Variants in SLC39A6 observed in about 807,000 individuals in gnomAD.
The protein encoded by SLC39A6 is solute carrier family 39 member 6, also known as zinc transporter ZIP6.
In SLC39A6, 51 loss-of-function variants were observed where a neutral mutation model predicts 63.5. That is an observed-to-expected ratio of 0.80 (90% CI 0.64 to 1.01). The LOEUF is 1.01. SLC39A6 is among the 50% of genes least tolerant of loss of function. The pLI is 0.00. For missense variants in SLC39A6, 805 were observed against 927.8 expected, an observed-to-expected ratio of 0.87 and a Z score of 1.72; for synonymous variants, 318 against 324.7, an observed-to-expected ratio of 0.98 and a Z score of 0.22.
chr18:36,124,253 A>G (rs560797719), intron 3 of SLC39A6, among the ~76,000 whole-genome samples: 1 of 152,280 alleles, frequency 6.6e-6, no homozygotes, highest in African/African-American at 2.4e-5. Flanking sequence ...GTGACATGAT[A>G]TAAAAATCCC....
At chr18:36,117,390 TA>T (rs2089354810) in intron 5 of SLC39A6, among the ~76,000 whole-genome samples, 1 of 152,208 alleles carries the variant, frequency 6.6e-6, no homozygotes, top group South Asian at 2.1e-4. Flanking sequence ...TTTTAGTTAT[TA>T]AAACACTTTT....
intron 9 of SLC39A6, 149 bp from the exon 10 acceptor site, chr18:36,109,894 T>C (rs186273837): frequency 5.1e-6 from 3 of 586,388 alleles, no homozygotes; most frequent in Admixed American, 6.6e-5. Context: ...ATTACATACA[T>C]ACTGACTCTA....
In SLC39A6 at chr18:36,122,034, C is replaced by T. The variant is rs768928657; in HGVS notation, c.1359+18G>A. On this transcript the variant is annotated intron_variant, in intron 5 of 9. Coordinates refer to ENST00000269187, the MANE Select transcript of SLC39A6 (RefSeq NM_012319.4). ...AAATATCTGAAGCATAGTAAGTACT[C>T]GGTATACTTTTTCTTACCTTTTTCT... 33 of 1,524,372 alleles carry T rather than the reference C, an allele frequency of 2.2e-5. No homozygotes were observed. The highest frequency in any genetic ancestry group is 5.6e-5 in the South Asian group (5 of 88,756). The allele number at this position is 1,524,372 out of a possible 1,614,324, so 94.4% of individuals were successfully genotyped here. A position where few individuals can be genotyped will look rare whatever the true frequency, so the allele number is the denominator to read the frequency against.
chr18:36,126,091 G>T, intron 2 of SLC39A6, 128 bp downstream of exon 2: 3 of 939,534 alleles, frequency 3.2e-6, no homozygotes, highest in Non-Finnish European at 4.8e-6. Context: ...TGCTGAGAAG[G>T]TGGAAATTCC....
At chr18:36,120,626 T>C (rs904118182) in intron 5 of SLC39A6, among the ~76,000 whole-genome samples, 1 of 152,228 alleles carries the variant, frequency 6.6e-6, no homozygotes, top group Non-Finnish European at 1.5e-5. Context: ...TAATTACACA[T>C]TGCTCAAACT....
chr18:36,121,306 G>A (rs1047966694), intron 5 of SLC39A6, among the ~76,000 whole-genome samples: 5 of 152,022 alleles, frequency 3.3e-5, no homozygotes, highest in African/African-American at 7.2e-5. Context: ...ACAGGCATGC[G>A]CCATCTCACC....
At chr18:36,109,897 T>C in intron 9 of SLC39A6, 152 bp from the exon 10 acceptor site, 2 of 572,862 alleles carry the variant, frequency 3.5e-6, no homozygotes, top group Non-Finnish European at 6.1e-6. Context: ...ACATACATAC[T>C]GACTCTAGCT....
At chr18:36,127,724 C>G (rs2089451235) in intron 1 of SLC39A6, among the ~76,000 whole-genome samples, 1 of 151,576 alleles carries the variant, frequency 6.6e-6, no homozygotes, top group African/African-American at 2.4e-5. Context: ...GTGTATCCCT[C>G]AGGATATTTT....
intron 5 of SLC39A6, among the ~76,000 whole-genome samples, chr18:36,119,671 AC>A (rs2089375518): frequency 6.6e-6 from 1 of 152,184 alleles, no homozygotes; most frequent in South Asian, 2.1e-4. Context: ...GTGTCAGATA[AC>A]AGAGGGCCTA....
At chr18:36,117,661 A>C (rs943976355) in intron 5 of SLC39A6, among the ~76,000 whole-genome samples, 2 of 152,206 alleles carry the variant, frequency 1.3e-5, no homozygotes, top group African/African-American at 4.8e-5. Context: ...TATGATGATC[A>C]CCACCATACC....
At chr18:36,110,214 T>C (rs1038109408) in intron 9 of SLC39A6, among the ~76,000 whole-genome samples, 1 of 152,138 alleles carries the variant, frequency 6.6e-6, no homozygotes, top group Non-Finnish European at 1.5e-5. Context: ...TTGAGGACAT[T>C]AGTGACAAAA....
At position 36,108,961 on chromosome 18, in the gene SLC39A6, T is replaced by C. The variant is rs911163966; in HGVS notation, c.*632A>G. ...GATTTCTGTATTATACAAAGTTAAA[T>C]GTACAACTAAATTAGTATATGAAAA... On this transcript the variant is annotated 3_prime_UTR_variant, in exon 10 of 10. Transcript: ENST00000269187. 3 of 152,216 alleles carry C rather than the reference T, an allele frequency of 2.0e-5. No homozygotes were observed. The highest frequency in any genetic ancestry group is 4.4e-5 in the Non-Finnish European group (3 of 68,020). 9.4% of individuals were successfully genotyped at this position (152,216 alleles called of 1,614,324 possible). A position where few individuals can be genotyped will look rare whatever the true frequency, so the allele number is the denominator to read the frequency against.
intron 5 of SLC39A6, among the ~76,000 whole-genome samples, chr18:36,117,828 G>A (rs1456952370): frequency 3.3e-5 from 5 of 152,038 alleles, no homozygotes; most frequent in African/African-American, 9.7e-5. Context: ...TCAGGAGATC[G>A]AGACCATCCT....
chr18:36,124,556 C>T lies in SLC39A6; in HGVS notation c.934G>A (p.Ala312Thr), dbSNP rs879113875. ...GAATAGGTCTTTGGAGGGATTTCAG[C>T]CTTCTTTTCACTTGTATGAATCAGA... ...SCLIHTSEKK[A>T]EIPPKTYSLQ... Residue 312 changes from alanine (A) to threonine (T), a missense_variant, in exon 3 of 10, where the codon GCT becomes ACT. By Grantham distance (58) the Ala-to-Thr change is moderately conservative. Coordinates refer to ENST00000269187, the MANE Select transcript of SLC39A6 (RefSeq NM_012319.4). 6 of 1,570,292 alleles carry T rather than the reference C, an allele frequency of 3.8e-6. No individual in the cohort carries two copies. The South Asian group carries it at 4.6e-5, about 12-fold the overall frequency.
rs187124791 is a variant in SLC39A6 at position 36,115,320 on chromosome 18, T to C, written c.1466-846A>G. 8.4e-3 allele frequency among the ~76,000 whole-genome samples: 1,270 copies of C among 151,792 alleles called. 28 individuals carry two copies. Among genetic ancestry groups the C allele is most frequent in the African/African-American group, 0.029 (1,208 of 41,362 alleles). On this transcript the variant is annotated intron_variant, in intron 6 of 9. Transcript: ENST00000269187. ...AGCCAGGCATGGTGGCGGGTGCCTG[T>C]AGTCCCAGTTACTCGGGAGGCTGAG...
At chr18:36,120,244 GCT>G (rs1491110044) in intron 5 of SLC39A6, among the ~76,000 whole-genome samples, 1 of 135,780 alleles carries the variant, frequency 7.4e-6, no homozygotes, top group Non-Finnish European at 1.7e-5. Context: ...ATAATGAGTA[GCT>G]TTTTTTTTTC....
intron 2 of SLC39A6, among the ~76,000 whole-genome samples, chr18:36,124,995 A>ACT (rs768586226): frequency 6.6e-6 from 1 of 152,154 alleles, no homozygotes; most frequent in Non-Finnish European, 1.5e-5. Context: ...AAGCCTGTTA[A>ACT]CTCACTGTAT....
intron 7 of SLC39A6, among the ~76,000 whole-genome samples, chr18:36,112,959 G>C (rs951901289): frequency 2.0e-5 from 3 of 152,112 alleles, no homozygotes; most frequent in Admixed American, 2.0e-4. Context: ...TTGCCTCAGA[G>C]GAATTTACTA....
intron 1 of SLC39A6, among the ~76,000 whole-genome samples, chr18:36,128,361 C>T (rs149249971): frequency 2.0e-5 from 3 of 152,286 alleles, no homozygotes; most frequent in African/African-American, 7.2e-5. Flanking sequence ...CATTCATTAC[C>T]TTATCTAAAA....
Sources: allele counts gnomAD v4.1 joint callset (sites outside exome capture counted in the v4.1 genomes callset), GRCh38; gene constraint gnomAD v4.1.1; transcripts MANE v1.5; gene names NCBI Gene and HGNC (gene_info 2026-07-23, HGNC 2026-07-21).